Variants in TNS3 observed in about 807,000 individuals in gnomAD.
TNS3 encodes tensin 3.
In TNS3, 45 loss-of-function variants were observed where a neutral mutation model predicts 140.9. That is an observed-to-expected ratio of 0.32 (90% CI 0.25 to 0.41). TNS3 has a LOEUF of 0.41. TNS3 is among the 10% of genes least tolerant of loss of function. TNS3 has a pLI of 1.00. For synonymous variants in TNS3, 815 were observed against 788.4 expected (o/e 1.03, Z -0.56); for missense variants, 1,716 against 1,906.7 (o/e 0.90, Z 1.86).
At position 47,424,083 on chromosome 7, in the gene TNS3, T is replaced by G; in HGVS notation, c.473+18A>C. ...TTTCATTCACCTCTTCACTCTGGCT[T>G]TGGGGATCTATACATACCGTTTTTG... On this transcript the variant is annotated intron_variant, in intron 10 of 30. Transcript: ENST00000311160. The G allele has an allele frequency of 6.2e-7, 1 of 1,613,170 alleles. No homozygotes were observed. Among genetic ancestry groups the G allele is most frequent in the Non-Finnish European group, 8.5e-7 (1 of 1,179,228 alleles).
chr7:47,489,284 G>C (rs1401404247), intron 3 of TNS3, among the ~76,000 whole-genome samples: 1 of 152,150 alleles, frequency 6.6e-6, no homozygotes, highest in Non-Finnish European at 1.5e-5. Context: ...CAGTTAACAA[G>C]CAGCTAGTGA....
chr7:47,393,958 G>C (rs1233486954), intron 16 of TNS3, among the ~76,000 whole-genome samples: 2 of 151,890 alleles, frequency 1.3e-5, no homozygotes, highest in African/African-American at 4.8e-5. Flanking sequence ...CCCAACTCTC[G>C]GTGACACAGA....
chr7:47,344,740 G>A lies in TNS3; in HGVS notation c.2650+15C>T, dbSNP rs1192999284. ...TGAGTGCCGCGCGCCTGTGACCCGC[G>A]GGTAGATTTCTTACCACGTCCTCCT... is the stretch of plus-strand genomic sequence containing the variant. On this transcript the variant is annotated intron_variant, in intron 20 of 30. Transcript: ENST00000311160. 2.5e-6 allele frequency: 4 copies of A among 1,608,658 alleles called. No homozygotes were observed. The highest frequency in any genetic ancestry group is 1.1e-5 in the South Asian group (1 of 90,972).
chr7:47,380,097 G>A (rs1791658400), intron 16 of TNS3, among the ~76,000 whole-genome samples: 2 of 152,230 alleles, frequency 1.3e-5, no homozygotes, highest in Non-Finnish European at 2.9e-5. Flanking sequence ...CGGTCTCCTG[G>A]GTGAGGCTCT....
intron 17 of TNS3, among the ~76,000 whole-genome samples, chr7:47,358,105 C>A (rs548510740): frequency 6.6e-6 from 1 of 152,094 alleles, no homozygotes; most frequent in Non-Finnish European, 1.5e-5. Flanking sequence ...GGATCACCCC[C>A]CATCACGTGA....
At chr7:47,450,248 A>G (rs1795953675) in intron 4 of TNS3, among the ~76,000 whole-genome samples, 1 of 152,244 alleles carries the variant, frequency 6.6e-6, no homozygotes, top group South Asian at 2.1e-4. Context: ...CATTGACTTT[A>G]ACAGGCTTAT....
chr7:47,404,615 G>A lies in TNS3; in HGVS notation c.724-3701C>T, dbSNP rs769326135. Among the ~76,000 whole-genome samples the A allele has an allele frequency of 9.9e-5, 15 of 151,350 alleles. 1 individual carries two copies. Among genetic ancestry groups the A allele is most frequent in the Admixed American group, 2.6e-4 (4 of 15,208 alleles). On this transcript the variant is annotated intron_variant, in intron 13 of 30. Coordinates refer to ENST00000311160, the MANE Select transcript of TNS3 (RefSeq NM_022748.12). Reference sequence around the variant, plus strand: ...AATATGCCTGTGCCCGGCCGGGCGCGGTGGCTCACGCCTGTAATCCCAGCA... The same window carrying A: ...AATATGCCTGTGCCCGGCCGGGCGCAGTGGCTCACGCCTGTAATCCCAGCA...
chr7:47,279,082 C>G (rs921101950), intron 30 of TNS3: 1 of 152,338 alleles, frequency 6.6e-6, no homozygotes, highest in African/African-American at 2.4e-5. Flanking sequence ...GAACACAGTC[C>G]CCACCGGGGA....
intron 23 of TNS3, among the ~76,000 whole-genome samples, chr7:47,301,102 A>G (rs1227375134): frequency 6.6e-6 from 1 of 152,136 alleles, no homozygotes; most frequent in Non-Finnish European, 1.5e-5. Context: ...CTTCATAAGG[A>G]GAGAGCTTGA....
At chr7:47,400,549 C>T (rs760829701) in intron 14 of TNS3, 91 bp from the exon 15 acceptor site, 22 of 1,347,028 alleles carry the variant, frequency 1.6e-5, no homozygotes, top group Non-Finnish European at 2.1e-5. Context: ...ACCAGTACAG[C>T]ACCACTCCCA....
chr7:47,395,652 G>A (rs982776616), intron 16 of TNS3, among the ~76,000 whole-genome samples: 1 of 152,206 alleles, frequency 6.6e-6, no homozygotes, highest in African/African-American at 2.4e-5. Context: ...AAGGACTGGT[G>A]TGCTGAATAA....
chr7:47,409,014 G>A (rs1370075910), intron 13 of TNS3, among the ~76,000 whole-genome samples: 2 of 151,992 alleles, frequency 1.3e-5, no homozygotes, highest in Non-Finnish European at 2.9e-5. Flanking sequence ...CCTAGAGCAA[G>A]CATAGCAACT....
chr7:47,399,077 G>C (rs1792997152), intron 15 of TNS3, among the ~76,000 whole-genome samples: 2 of 73,304 alleles, frequency 2.7e-5, no homozygotes, highest in African/African-American at 7.6e-5. Context: ...TTTTACGACA[G>C]CTGAAAAAAA....
chr7:47,292,071 C>T (rs190863104), intron 26 of TNS3, 39 bp from the exon 27 acceptor site: 1 of 1,595,676 alleles, frequency 6.3e-7, no homozygotes, highest in African/African-American at 1.3e-5. Context: ...ATGAGTCCTG[C>T]TCCTGACCAA....
At chr7:47,299,802 G>A (rs189663957) in intron 23 of TNS3, among the ~76,000 whole-genome samples, 8 of 152,284 alleles carry the variant, frequency 5.3e-5, no homozygotes, top group African/African-American at 1.7e-4. Context: ...AAAAACGAGC[G>A]TCCACACACT....
intron 6 of TNS3, 30 bp downstream of exon 6, chr7:47,439,457 C>T: frequency 6.2e-7 from 1 of 1,610,548 alleles, no homozygotes; most frequent in Non-Finnish European, 8.5e-7. Flanking sequence ...AGAGCCTGCC[C>T]AAAGGCTCCC....
At chr7:47,578,014 TAAAAA>T (rs575331402) in intron 1 of TNS3, among the ~76,000 whole-genome samples, 1 of 137,296 alleles carries the variant, frequency 7.3e-6, no homozygotes, top group African/African-American at 2.7e-5. Context: ...TACTGCCTTC[TAAAAA>T]AAAAAAAAAA....
At chr7:47,495,833 G>A (rs949149661) in intron 3 of TNS3, among the ~76,000 whole-genome samples, 2 of 152,222 alleles carry the variant, frequency 1.3e-5, no homozygotes, top group East Asian at 1.9e-4. Flanking sequence ...AGAACAGGCC[G>A]TTCTGCAGCT....
intron 3 of TNS3, among the ~76,000 whole-genome samples, chr7:47,493,855 GA>G (rs560404297): frequency 1.1e-3 from 167 of 150,030 alleles, no homozygotes; most frequent in African/African-American, 3.9e-3. Context: ...GACAAGAAAA[GA>G]AAACATGAGA....
Sources: gnomAD v4.1 joint callset for allele counts (sites outside exome capture counted in the v4.1 genomes callset) on GRCh38, gnomAD v4.1.1 for gene constraint, MANE v1.5 for transcripts, NCBI Gene and HGNC (gene_info 2026-07-23, HGNC 2026-07-21) for gene names.